Variants in SLIT3 observed in about 807,000 individuals in gnomAD.
SLIT3 encodes the protein slit homolog 3 protein.
Under a neutral mutation model 184.0 loss-of-function variants are expected in SLIT3, and 68 were observed. The observed-to-expected ratio is 0.37, with a 90% CI of 0.30 to 0.45. The LOEUF is 0.45. SLIT3 is among the 20% of genes least tolerant of loss of function. The probability of loss-of-function intolerance (pLI) is 1.00; values close to 1 mark genes in which losing one functional copy is unlikely to be tolerated. For synonymous variants in SLIT3, 831 were observed against 828.6 expected, an observed-to-expected ratio of 1.00 and a Z score of -0.05; for missense variants, 1,707 against 2,026.0, an observed-to-expected ratio of 0.84 and a Z score of 3.02.
intron 1 of SLIT3, among the ~76,000 whole-genome samples, chr5:169,288,624 C>T (rs1310284371): frequency 1.3e-5 from 2 of 152,172 alleles, no homozygotes; most frequent in Non-Finnish European, 2.9e-5. Flanking sequence ...GTTACCAGAA[C>T]ATTTCACTTG....
rs757688730 is a variant in SLIT3 at position 168,884,343 on chromosome 5, C to CG, written c.414-1008dup. 3.4e-4 allele frequency among the ~76,000 whole-genome samples: 51 copies of CG among 150,042 alleles called. 1 individual carries two copies. The South Asian group carries it at 3.6e-3, about 11-fold the overall frequency. ...GCCTCTCTGAGGACTATGGCGTGGTCGGGGGGTGCAGAGCCGGGGGCTAGG... is the reference window on the plus strand; with the variant it reads ...GCCTCTCTGAGGACTATGGCGTGGTCGGGGGGGTGCAGAGCCGGGGGCTAGG... On this transcript the variant is annotated intron_variant, in intron 4 of 35. Coordinates refer to ENST00000519560, the MANE Select transcript of SLIT3 (RefSeq NM_003062.4).
intron 4 of SLIT3, among the ~76,000 whole-genome samples, chr5:169,145,538 C>T (rs1210286178): frequency 6.6e-6 from 1 of 152,202 alleles, no homozygotes; most frequent in South Asian, 2.1e-4. Flanking sequence ...TTCTTTATAG[C>T]TAAGGGGCCC....
chr5:169,148,181 C>G (rs1239570755), intron 4 of SLIT3, among the ~76,000 whole-genome samples: 1 of 152,110 alleles, frequency 6.6e-6, no homozygotes, highest in Middle Eastern at 3.2e-3. Context: ...TGTTCAGGGT[C>G]AGAATTGTTC....
At chr5:168,892,293 T>C (rs1760494803) in intron 4 of SLIT3, among the ~76,000 whole-genome samples, 1 of 152,234 alleles carries the variant, frequency 6.6e-6, no homozygotes, top group Admixed American at 6.5e-5. Flanking sequence ...CTTTAAAGTC[T>C]GATGTGTATT....
At chr5:168,905,666 T>C (rs1194963681) in intron 4 of SLIT3, among the ~76,000 whole-genome samples, 1 of 152,158 alleles carries the variant, frequency 6.6e-6, no homozygotes, top group African/African-American at 2.4e-5. Flanking sequence ...CTAGGCAACT[T>C]TCCCTAGGGT....
intron 4 of SLIT3, among the ~76,000 whole-genome samples, chr5:168,885,824 T>A (rs35239894): frequency 0.42 from 63,510 of 152,060 alleles, 14,231 homozygotes; most frequent in East Asian, 0.7. Flanking sequence ...CAACATCCCA[T>A]AATACACTGG....
At chr5:168,785,357 C>T (rs1756117591) in intron 12 of SLIT3, among the ~76,000 whole-genome samples, 1 of 152,198 alleles carries the variant, frequency 6.6e-6, no homozygotes. Context: ...AATCCCTGAG[C>T]TTAAAATTCG....
At chr5:169,191,943 T>G (rs780829772) in intron 4 of SLIT3, among the ~76,000 whole-genome samples, 1 of 152,196 alleles carries the variant, frequency 6.6e-6, no homozygotes. Flanking sequence ...TTTAAATTGA[T>G]GCTTATGTCT....
chr5:168,807,961 A>G (rs1477984162), intron 8 of SLIT3, among the ~76,000 whole-genome samples: 1 of 152,182 alleles, frequency 6.6e-6, no homozygotes, highest in Admixed American at 6.5e-5. Flanking sequence ...TGACATCTAC[A>G]GCTTAATTTG....
chr5:168,785,816 A>G (rs960759500), intron 12 of SLIT3, 91 bp downstream of exon 12: 2 of 918,598 alleles, frequency 2.2e-6, no homozygotes, highest in East Asian at 2.4e-5. Flanking sequence ...GCAGAAAGTC[A>G]AAAGAACTCT....
intron 4 of SLIT3, among the ~76,000 whole-genome samples, chr5:169,140,810 A>G (rs1400673875): frequency 2.6e-5 from 4 of 152,308 alleles, no homozygotes; most frequent in Admixed American, 2.6e-4. Context: ...TCAAAAAAGA[A>G]TAATGCAGGC....
At chr5:169,084,070 CAA>C (rs1759181594) in intron 4 of SLIT3, among the ~76,000 whole-genome samples, 1 of 152,106 alleles carries the variant, frequency 6.6e-6, no homozygotes, top group South Asian at 2.1e-4. Flanking sequence ...GTGTAAGAAT[CAA>C]AAGATTTCTG....
At chr5:169,288,418 C>G (rs1767231419) in intron 1 of SLIT3, among the ~76,000 whole-genome samples, 2 of 151,928 alleles carry the variant, frequency 1.3e-5, no homozygotes, top group African/African-American at 2.4e-5. Context: ...CATATTTGTA[C>G]CCACTAAAAG....
chr5:169,242,519 G>T (rs1357378067), intron 3 of SLIT3, among the ~76,000 whole-genome samples: 2 of 152,152 alleles, frequency 1.3e-5, no homozygotes, highest in African/African-American at 4.8e-5. Context: ...TTTTCATGCT[G>T]TTTTCTCTTC....
At chr5:169,263,759 T>C in intron 1 of SLIT3, 1 of 490,388 alleles carries the variant, frequency 2.0e-6, no homozygotes, top group Non-Finnish European at 4.1e-6. Context: ...CCTGAACTTC[T>C]GAACTTCTGG....
chr5:168,700,280 G>A (rs1762175618), intron 27 of SLIT3, among the ~76,000 whole-genome samples: 1 of 152,186 alleles, frequency 6.6e-6, no homozygotes, highest in Admixed American at 6.5e-5. Context: ...GGGGCCAGGT[G>A]GAGATAATTG....
chr5:168,944,059 C>T (rs1269345100), intron 4 of SLIT3, among the ~76,000 whole-genome samples: 1 of 152,158 alleles, frequency 6.6e-6, no homozygotes, highest in Admixed American at 6.5e-5. Flanking sequence ...GCACAGTCCC[C>T]ATCCTAGGAC....
intron 3 of SLIT3, among the ~76,000 whole-genome samples, chr5:169,227,603 T>C (rs1764857568): frequency 1.3e-5 from 2 of 152,148 alleles, no homozygotes; most frequent in African/African-American, 2.4e-5. Flanking sequence ...AATTTTTCTA[T>C]TTTTAGTAGA....
intron 4 of SLIT3, among the ~76,000 whole-genome samples, chr5:168,922,793 G>A (rs1422298523): frequency 6.6e-6 from 1 of 152,164 alleles, no homozygotes; most frequent in East Asian, 1.9e-4. Context: ...AAGAGGTCTG[G>A]GCCTAAGACA....
Sources: gnomAD v4.1 joint callset for allele counts (sites outside exome capture counted in the v4.1 genomes callset) on GRCh38, gnomAD v4.1.1 for gene constraint, MANE v1.5 for transcripts, NCBI Gene and HGNC (gene_info 2026-07-23, HGNC 2026-07-21) for gene names.